PCDH19: variants seen among roughly 807,000 people sequenced by gnomAD.
PCDH19 encodes protocadherin-19.
A neutral mutation model predicts 46.2 loss-of-function variants in PCDH19; 6 were observed. The ratio of observed to expected loss-of-function variants is 0.13; its 90% CI spans 0.07 to 0.26. The LOEUF (loss-of-function observed/expected upper bound fraction) is 0.26, where lower values mean the gene tolerates loss of function less well. Ranked by LOEUF, PCDH19 falls within the 10% of genes least tolerant of loss-of-function variation. The pLI, the probability that PCDH19 is intolerant of heterozygous loss-of-function variation, is 1.00. For synonymous variants in PCDH19, 481 were observed against 415.7 expected (o/e 1.16, Z -1.91); for missense variants, 740 against 972.3 (o/e 0.76, Z 3.18).
intron 5 of PCDH19, among the ~76,000 whole-genome samples, chrX:100,328,688 G>A (rs1417862043): frequency 9.0e-6 from 1 of 111,442 alleles, no homozygotes; most frequent in African/African-American, 3.3e-5. Context: ...CAGTACCACC[G>A]GAATCTGGAG....
At chrX:100,345,598 T>C (rs1231202141) in intron 4 of PCDH19, among the ~76,000 whole-genome samples, 2 of 111,779 alleles carry the variant, frequency 1.8e-5, no homozygotes, top group East Asian at 5.6e-4. Context: ...ATCTTTTTCA[T>C]AGGCATCTGA....
At chrX:100,305,408 C>T (rs12393056) in intron 5 of PCDH19, among the ~76,000 whole-genome samples, 33,155 of 110,637 alleles carry the variant, frequency 0.3, 3,824 homozygotes, top group Non-Finnish European at 0.35. Flanking sequence ...ACTATATGAA[C>T]TGCTAAAAAG....
chrX:100,321,270 T>C (rs1925468474), intron 5 of PCDH19, among the ~76,000 whole-genome samples: 1 of 111,885 alleles, frequency 8.9e-6, no homozygotes, highest in African/African-American at 3.3e-5. Flanking sequence ...CTTCTTTTCC[T>C]CTAGATAGCT....
In PCDH19 at chrX:100,409,751, C is replaced by A. The variant is rs1228431712; in HGVS notation, c.-1154G>T. On this transcript the variant is annotated 5_prime_UTR_variant, in exon 1 of 6. Transcript: ENST00000373034. ...CGCCGCCGCCGCCGCGGGAGGAAGC[C>A]CTCCTAGCTCAGTTGCACGTCGCTG... 3 of 239,704 alleles carry A rather than the reference C, an allele frequency of 1.3e-5. No individual in the cohort carries two copies. Among genetic ancestry groups the A allele is most frequent in the Non-Finnish European group, 2.2e-5 (3 of 134,194 alleles). The allele number at this position is 239,704 out of a possible 1,213,427, so 19.8% of individuals were successfully genotyped here. A position where few individuals can be genotyped will look rare whatever the true frequency, so the allele number is the denominator to read the frequency against.
At position 100,408,223 on chromosome X, in the gene PCDH19, A is replaced by G; in HGVS notation, c.375T>C (p.Asn125=). The G allele has an allele frequency of 8.3e-7, 1 of 1,211,575 alleles. No individual in the cohort carries two copies. The highest frequency in any genetic ancestry group is 1.1e-6 in the Non-Finnish European group (1 of 895,444). Reference sequence around the variant, plus strand: ...TCTGTGCTGCCGGGAAACTGGGCGCATTGTCGTTCAGGTCCTTGATCTCCA... The same window carrying G: ...TCTGTGCTGCCGGGAAACTGGGCGCGTTGTCGTTCAGGTCCTTGATCTCCA... ...IKVEIKDLND[N]APSFPAAQIE... The change falls in exon 1 of 6, where the codon AAT becomes AAC. Residue 125 remains asparagine (N), a synonymous_variant. Coordinates refer to ENST00000373034, the MANE Select transcript of PCDH19 (RefSeq NM_001184880.2).
At chrX:100,322,865 A>ATATATATATTTTTT in intron 5 of PCDH19, among the ~76,000 whole-genome samples, 13 of 54,408 alleles carry the variant, frequency 2.4e-4, no homozygotes, top group Admixed American at 8.3e-4. Context: ...ATATATATAT[A>ATATATATATTTTTT]TTTTTGCAGC....
At chrX:100,300,759 C>G (rs1162880219) in intron 5 of PCDH19, among the ~76,000 whole-genome samples, 1 of 110,099 alleles carries the variant, frequency 9.1e-6, no homozygotes, top group African/African-American at 3.3e-5. Flanking sequence ...ATCTTGAGAC[C>G]AGAGAACTCC....
chrX:100,294,540 G>A lies in PCDH19; in HGVS notation c.*1737C>T, dbSNP rs1336293489. 1 of 93,327 alleles carries A rather than the reference G, an allele frequency of 1.1e-5. No homozygotes were observed. Among genetic ancestry groups the A allele is most frequent in the African/African-American group, 4.2e-5 (1 of 24,046 alleles). 7.7% of individuals were successfully genotyped at this position (93,327 alleles called of 1,213,427 possible). On this transcript the variant is annotated 3_prime_UTR_variant, in exon 6 of 6. Transcript: ENST00000373034. ...GCAAAAATAAGTAAAACATTCAAAA[G>A]AGCTGACTTATCTACCTAAACTTAA...
At chrX:100,322,862 T>TATAC (rs1925550307) in intron 5 of PCDH19, among the ~76,000 whole-genome samples, 1 of 64,639 alleles carries the variant, frequency 1.5e-5, no homozygotes, top group South Asian at 5.7e-4. Flanking sequence ...TATATATATA[T>TATAC]ATATTTTTGC....
chrX:100,299,691 T>C (rs1924719156), intron 5 of PCDH19, among the ~76,000 whole-genome samples: 1 of 111,916 alleles, frequency 8.9e-6, no homozygotes, highest in African/African-American at 3.2e-5. Flanking sequence ...ACAATCACTG[T>C]TGGGAAAAGA....
chrX:100,354,029 C>T lies in PCDH19; in HGVS notation c.2617-3325G>A, dbSNP rs751601298. On this transcript the variant is annotated intron_variant, in intron 3 of 5. Coordinates refer to ENST00000373034, the MANE Select transcript of PCDH19 (RefSeq NM_001184880.2). The stretch of plus-strand genomic sequence containing the variant: ...ACAGTTATGGGAAAAATCTATGCAG[C>T]AGAATTATTCTAATTGGATAGAATA... Among the ~76,000 whole-genome samples, 71 of 111,941 alleles carry T rather than the reference C, an allele frequency of 6.3e-4. 1 individual carries two copies. The highest frequency in any genetic ancestry group is 2.2e-3 in the African/African-American group (68 of 30,786).
intron 5 of PCDH19, among the ~76,000 whole-genome samples, chrX:100,318,987 GAA>G (rs368349755): frequency 7.8e-5 from 8 of 102,249 alleles, no homozygotes; most frequent in African/African-American, 2.8e-4. Context: ...CATCATTTAA[GAA>G]AAAAAAAAAC....
chrX:100,311,336 A>G (rs1252738685), intron 5 of PCDH19, among the ~76,000 whole-genome samples: 1 of 111,313 alleles, frequency 9.0e-6, no homozygotes, highest in Non-Finnish European at 1.9e-5. Context: ...ACAGAAAGCA[A>G]GAGTAGACAG....
intron 3 of PCDH19, among the ~76,000 whole-genome samples, chrX:100,388,205 A>AAT (rs1281449589): frequency 1.8e-5 from 2 of 110,135 alleles, no homozygotes; most frequent in East Asian, 2.8e-4. Context: ...TGTGTGTATG[A>AAT]ATATATATAT....
intron 5 of PCDH19, among the ~76,000 whole-genome samples, chrX:100,339,252 G>C (rs1032939888): frequency 1.2e-4 from 14 of 112,263 alleles, no homozygotes; most frequent in African/African-American, 4.5e-4. Context: ...TTGGGTTTAA[G>C]ATTCCCATCA....
chrX:100,307,133 A>C (rs776426459), intron 5 of PCDH19, among the ~76,000 whole-genome samples: 3 of 111,880 alleles, frequency 2.7e-5, no homozygotes, highest in Non-Finnish European at 3.8e-5. Context: ...TGATGAACAC[A>C]GATACAGAAA....
intron 5 of PCDH19, among the ~76,000 whole-genome samples, chrX:100,312,335 G>C (rs1925157433): frequency 9.0e-6 from 1 of 111,155 alleles, no homozygotes; most frequent in East Asian, 2.9e-4. Context: ...GTGTCACTGG[G>C]GCACAAGCCT....
intron 3 of PCDH19, among the ~76,000 whole-genome samples, chrX:100,399,257 T>A (rs1928109485): frequency 8.9e-6 from 1 of 112,030 alleles, no homozygotes; most frequent in African/African-American, 3.2e-5. Context: ...TTAATAAATG[T>A]TGCTTTCTTG....
intron 5 of PCDH19, among the ~76,000 whole-genome samples, chrX:100,311,137 C>T (rs1433938455): frequency 9.0e-6 from 1 of 111,183 alleles, no homozygotes; most frequent in Non-Finnish European, 1.9e-5. Context: ...AGAGCTACCG[C>T]GCCCAGTCAC....
Sources: allele counts gnomAD v4.1 joint callset (sites outside exome capture counted in the v4.1 genomes callset), GRCh38; gene constraint gnomAD v4.1.1; transcripts MANE v1.5; gene names NCBI Gene and HGNC (gene_info 2026-07-23, HGNC 2026-07-21).